VIM: variants seen among roughly 807,000 people sequenced by gnomAD.
The protein encoded by VIM is vimentin.
A neutral mutation model predicts 50.3 loss-of-function variants in VIM; 18 were observed. The observed-to-expected ratio is 0.36, with a 90% CI of 0.25 to 0.53. The LOEUF (loss-of-function observed/expected upper bound fraction) is 0.53. Among genes scored for constraint, VIM ranks in the 20% least tolerant of loss-of-function variants. The pLI is 0.91. For missense variants in VIM, 551 were observed against 614.7 expected, an observed-to-expected ratio of 0.90 and a Z score of 1.10; for synonymous variants, 245 against 248.5, an observed-to-expected ratio of 0.99 and a Z score of 0.13.
chr10:17,228,923 A>C (rs1846727679), intron 1 of VIM: 2 of 159,654 alleles, frequency 1.3e-5, no homozygotes, highest in African/African-American at 2.4e-5. Context: ...ACCGCCGCGC[A>C]CCTCCTCCCA....
chr10:17,229,822 G>A lies in VIM; in HGVS notation c.400G>A (p.Glu134Lys). ...GCAGCAGAATAAGATCCTGCTGGCC[G>A]AGCTCGAGCAGCTCAAGGGCCAAGG... is the stretch of plus-strand genomic sequence containing the variant. The part of the protein sequence containing the change: ...LEQQNKILLA[E>K]LEQLKGQGKS... The change falls in exon 2 of 10, where the codon GAG becomes AAG. Residue 134 changes from glutamate (E) to lysine (K), a missense_variant. By Grantham distance (56) the Glu-to-Lys change is moderately conservative. Coordinates refer to ENST00000544301, the MANE Select transcript of VIM (RefSeq NM_003380.5). The A allele has an allele frequency of 2.5e-6, 4 of 1,601,838 alleles. No homozygotes were observed. Among genetic ancestry groups the A allele is most frequent in the East Asian group, 2.2e-5 (1 of 44,476 alleles).
intron 2 of VIM, 64 bp downstream of exon 2, chr10:17,230,049 C>T: frequency 6.6e-7 from 1 of 1,512,882 alleles, no homozygotes; most frequent in Non-Finnish European, 8.8e-7. Flanking sequence ...GGGGAACGCC[C>T]CCCCGGCCCC....
chr10:17,229,828 G>A lies in VIM; in HGVS notation c.406G>A (p.Glu136Lys). Residue 136 changes from glutamate (E) to lysine (K), a missense_variant, in exon 2 of 10, where the codon GAG becomes AAG. Physicochemically the swap from Glu to Lys is moderately conservative, Grantham distance 56. Transcript: ENST00000544301. ...QQNKILLAEL[E>K]QLKGQGKSRL... ...GAATAAGATCCTGCTGGCCGAGCTC[G>A]AGCAGCTCAAGGGCCAAGGCAAGTC... The A allele has an allele frequency of 1.9e-6, 3 of 1,602,960 alleles. No individual in the cohort carries two copies. Among genetic ancestry groups the A allele is most frequent in the South Asian group, 2.2e-5 (2 of 89,182 alleles).
intron 2 of VIM, chr10:17,230,192 T>A (rs1443371307): frequency 1.6e-6 from 1 of 636,458 alleles, no homozygotes; most frequent in African/African-American, 1.8e-5. Context: ...TTTCCTCCTC[T>A]GTCCCCACAC....
rs759563072 is a variant in VIM, at chr10:17,234,827, C to T, written c.1008+9C>T. The T allele has an allele frequency of 1.9e-6, 3 of 1,614,030 alleles. No individual in the cohort carries two copies. Among genetic ancestry groups the T allele is most frequent in the Admixed American group, 1.7e-5 (1 of 60,002 alleles). On this transcript the variant is annotated intron_variant, in intron 6 of 9. Transcript: ENST00000544301. ...ATGCCCTTAAAGGAACCGTGAGTAC[C>T]AACCCTGCAGTAAAAGAGGGAAAAT...
intron 5 of VIM, chr10:17,234,241 A>G (rs1359327479): frequency 2.7e-6 from 1 of 369,916 alleles, no homozygotes; most frequent in Non-Finnish European, 5.1e-6. Flanking sequence ...TCAGCCCCCT[A>G]AGAGCTGGAA....
In VIM at chr10:17,237,396, A is replaced by T; in HGVS notation, c.*125A>T. 1.1e-6 allele frequency: 1 copy of T among 908,718 alleles called. No individual in the cohort carries two copies. The highest frequency in any genetic ancestry group is 1.5e-5 in the South Asian group (1 of 65,282). The allele number at this position is 908,718 out of a possible 1,614,324, so 56.3% of individuals were successfully genotyped here. On this transcript the variant is annotated 3_prime_UTR_variant, in exon 10 of 10. Transcript: ENST00000544301. ...CAGGAGCGCAAGATAGATTTGGAAT[A>T]GGAATAAGCTCTAGTTCTTAACAAC...
Position 17,237,529 on chromosome 10 carries a change from C to A in VIM, c.*258C>A. The A allele has an allele frequency of 2.7e-6, 1 of 366,832 alleles. No individual in the cohort carries two copies. Among genetic ancestry groups the A allele is most frequent in the East Asian group, 4.5e-5 (1 of 22,290 alleles). 22.7% of individuals were successfully genotyped at this position (366,832 alleles called of 1,614,324 possible). On this transcript the variant is annotated 3_prime_UTR_variant, in exon 10 of 10. Transcript: ENST00000544301. ...GGTATTTTGAATACCATTAAAACTG[C>A]TTTTTTTTTTCCAGCAAGTATCCAA...
chr10:17,237,170 A>G (rs1001879216), intron 9 of VIM, 60 bp from the exon 10 acceptor site: 5 of 1,399,098 alleles, frequency 3.6e-6, no homozygotes, highest in Non-Finnish European at 5.0e-6. Context: ...CGTGATATAT[A>G]GGATAATTTA....
intron 1 of VIM, 104 bp from the exon 2 acceptor site, chr10:17,229,172 C>T (rs1846733082): frequency 3.5e-6 from 1 of 286,206 alleles, no homozygotes; most frequent in South Asian, 3.8e-5. Context: ...CCCCGCTTCT[C>T]GCTAGGTCCC....
Position 17,236,332 on chromosome 10 carries a change from T to C in VIM, c.1312T>C (p.Ser438Pro), listed in dbSNP as rs1442649286. 1.9e-5 allele frequency: 31 copies of C among 1,613,918 alleles called. No homozygotes were observed. The highest frequency in any genetic ancestry group is 2.5e-5 in the Non-Finnish European group (30 of 1,179,860). Residue 438 changes from serine to proline, a missense_variant, in exon 9 of 10, where the codon TCA becomes CCA. By Grantham distance (74) the Ser-to-Pro change is moderately conservative. Transcript: ENST00000544301. ...LDSLPLVDTH[S>P]KRTLLIKTVE... ...TTCACTCCCTCTGGTTGATACCCAC[T>C]CAAAAAGGACACTTCTGATTAAGAC...
At chr10:17,235,962 T>G in intron 8 of VIM, 73 bp downstream of exon 8, 1 of 1,488,816 alleles carries the variant, frequency 6.7e-7, no homozygotes, top group South Asian at 1.1e-5. Context: ...AAGCATTCAT[T>G]TTTTTTAGGA....
rs1353081201 is a variant in VIM at position 17,237,429 on chromosome 10, C to T, written c.*158C>T. 1.5e-6 allele frequency: 1 copy of T among 668,632 alleles called. No homozygotes were observed. Among genetic ancestry groups the T allele is most frequent in the African/African-American group, 1.8e-5 (1 of 54,510 alleles). 41.4% of individuals were successfully genotyped at this position (668,632 alleles called of 1,614,324 possible). A position where few individuals can be genotyped will look rare whatever the true frequency, so the allele number is the denominator to read the frequency against. On this transcript the variant is annotated 3_prime_UTR_variant, in exon 10 of 10. Coordinates refer to ENST00000544301, the MANE Select transcript of VIM (RefSeq NM_003380.5). ...GCTCTAGTTCTTAACAACCGACACT[C>T]CTACAAGATTTAGAAAAAAGTTTAC...
At chr10:17,230,590 T>A in intron 2 of VIM, 60 bp from the exon 3 acceptor site, 1 of 1,593,184 alleles carries the variant, frequency 6.3e-7, no homozygotes, top group Non-Finnish European at 8.6e-7. Context: ...TGTTTGGGTG[T>A]GGCCGCCCCG....
chr10:17,229,052 C>T (rs1359242119), intron 1 of VIM: 9 of 371,024 alleles, frequency 2.4e-5, no homozygotes, highest in Non-Finnish European at 4.5e-5. Context: ...GACTATCATC[C>T]GGAAAGCCCC....
chr10:17,230,875 A>G (rs980959124), intron 3 of VIM, 165 bp downstream of exon 3: 10 of 690,248 alleles, frequency 1.4e-5, no homozygotes, highest in Non-Finnish European at 1.2e-5. Flanking sequence ...TCTCATGATT[A>G]GAAAAATATT....
rs764590816 is a variant in VIM, at chr10:17,235,309, C to T, written c.1149C>T (p.Tyr383=). 50 of 1,614,054 alleles carry T rather than the reference C, an allele frequency of 3.1e-5. No homozygotes were observed. Among genetic ancestry groups the T allele is most frequent in the Non-Finnish European group, 4.1e-5 (48 of 1,180,044 alleles). ...KEEMARHLRE[Y]QDLLNVKMAL... is the part of the protein sequence containing the mutation. ...AAATGGCTCGTCACCTTCGTGAATA[C>T]CAAGACCTGCTCAATGTTAAGATGG... Residue 383 remains tyrosine (Y), a synonymous_variant, in exon 7 of 10, where the codon TAC becomes TAT. Coordinates refer to ENST00000544301, the MANE Select transcript of VIM (RefSeq NM_003380.5).
chr10:17,229,069 T>C (rs1846730436), intron 1 of VIM: 1 of 403,032 alleles, frequency 2.5e-6, no homozygotes, highest in African/African-American at 2.2e-5. Flanking sequence ...CCCCCAAAAG[T>C]CCCAGCCCAG....
intron 3 of VIM, chr10:17,231,055 T>G (rs1846784825): frequency 9.1e-6 from 2 of 219,216 alleles, no homozygotes; most frequent in Non-Finnish European, 1.9e-5. Flanking sequence ...AGAAAAATCT[T>G]TTAACTTTTT....
Sources: gnomAD v4.1 joint callset for allele counts on GRCh38, gnomAD v4.1.1 for gene constraint, MANE v1.5 for transcripts, NCBI Gene and HGNC (gene_info 2026-07-23, HGNC 2026-07-21) for gene names.